The following GNPTAB variants were observed in gnomAD, a reference collection of about 807,000 sequenced individuals.
GNPTAB encodes N-acetylglucosamine-1-phosphotransferase subunits alpha/beta.
GNPTAB carries 92 observed loss-of-function variants against 136.6 expected under a neutral mutation model. The observed-to-expected ratio is 0.67, with a 90% CI of 0.57 to 0.80. The LOEUF is 0.80. Ranked by LOEUF, GNPTAB falls within the 30% of genes least tolerant of loss-of-function variation. The pLI is 0.00. For synonymous variants in GNPTAB, 512 were observed against 535.1 expected (o/e 0.96, Z 0.60); for missense variants, 1,343 against 1,501.8 (o/e 0.89, Z 1.75).
intron 8 of GNPTAB, 45 bp downstream of exon 8, chr12:101,770,951 C>G: frequency 6.4e-7 from 1 of 1,574,094 alleles, no homozygotes; most frequent in African/African-American, 1.3e-5. Flanking sequence ...TTTTTAACAT[C>G]TTAACCTTTG....
chr12:101,818,376 CTTTT>C (rs11347749), intron 1 of GNPTAB, among the ~76,000 whole-genome samples: 6 of 132,656 alleles, frequency 4.5e-5, no homozygotes, highest in Non-Finnish European at 4.8e-5. Flanking sequence ...ATATTTGTGT[CTTTT>C]TTTTTTTTTT....
intron 16 of GNPTAB, among the ~76,000 whole-genome samples, chr12:101,759,419 T>TAA (rs1214680072): frequency 0.016 from 1,964 of 122,104 alleles, 56 homozygotes; most frequent in African/African-American, 0.054. Flanking sequence ...AAATAAAGCT[T>TAA]AAAAAAAAAA....
chr12:101,760,647 A>G (rs1172028829), intron 15 of GNPTAB, among the ~76,000 whole-genome samples: 1 of 152,190 alleles, frequency 6.6e-6, no homozygotes, highest in Non-Finnish European at 1.5e-5. Context: ...CAAACCCCAA[A>G]TTTGGTTATA....
At chr12:101,752,663 C>G (rs1431848739) in intron 19 of GNPTAB, among the ~76,000 whole-genome samples, 2 of 152,204 alleles carry the variant, frequency 1.3e-5, no homozygotes, top group South Asian at 2.1e-4. Context: ...GTTCCCTTCT[C>G]ACCACTTCTG....
chr12:101,772,721 T>C (rs1410812750), intron 7 of GNPTAB, among the ~76,000 whole-genome samples: 2 of 152,216 alleles, frequency 1.3e-5, no homozygotes, highest in Admixed American at 1.3e-4. Flanking sequence ...CTCTGGCCTT[T>C]CCTGTCCCTT....
chr12:101,822,368 C>T (rs536432994), intron 1 of GNPTAB, among the ~76,000 whole-genome samples: 1 of 152,110 alleles, frequency 6.6e-6, no homozygotes, highest in African/African-American at 2.4e-5. Flanking sequence ...GAGCCGAGAT[C>T]GCGCCACTGC....
intron 1 of GNPTAB, among the ~76,000 whole-genome samples, chr12:101,821,279 C>A (rs1305112690): frequency 5.3e-5 from 8 of 152,188 alleles, no homozygotes; most frequent in Non-Finnish European, 8.8e-5. Context: ...CCCCAGGGGC[C>A]TGGTACAGTG....
intron 1 of GNPTAB, among the ~76,000 whole-genome samples, chr12:101,826,441 T>C (rs1487680009): frequency 6.6e-6 from 1 of 152,168 alleles, no homozygotes; most frequent in Admixed American, 6.6e-5. Context: ...CTCTGAATAC[T>C]GGAGGGGCTT....
intron 18 of GNPTAB, among the ~76,000 whole-genome samples, chr12:101,756,775 T>C (rs2137105941): frequency 6.6e-6 from 1 of 152,352 alleles, no homozygotes. Context: ...AAAGGATGGC[T>C]GGAGTATACT....
chr12:101,758,198 C>A (rs1052254178), intron 16 of GNPTAB, among the ~76,000 whole-genome samples: 5 of 152,154 alleles, frequency 3.3e-5, no homozygotes, highest in African/African-American at 9.7e-5. Context: ...GCCACCACAC[C>A]CAACTCATTT....
chr12:101,781,465 A>G (rs569872281), intron 5 of GNPTAB, among the ~76,000 whole-genome samples: 3 of 152,166 alleles, frequency 2.0e-5, no homozygotes, highest in Non-Finnish European at 2.9e-5. Context: ...CAGAAGTTCT[A>G]TATCAGCCTG....
Position 101,830,680 on chromosome 12 carries a change from C to G in GNPTAB, c.-5G>C. ...CTGCAGGAGCTTGAACAGCATCACC[C>G]CTTCACCGCCACGCCACGCCCCGAG... is the stretch of plus-strand genomic sequence containing the variant. On this transcript the variant is annotated 5_prime_UTR_variant, in exon 1 of 21. Transcript: ENST00000299314. The G allele has an allele frequency of 6.5e-7, 1 of 1,531,240 alleles. No homozygotes were observed. Among genetic ancestry groups the G allele is most frequent in the Non-Finnish European group, 9.0e-7 (1 of 1,108,302 alleles). 94.9% of individuals were successfully genotyped at this position (1,531,240 alleles called of 1,614,324 possible). A position where few individuals can be genotyped will look rare whatever the true frequency, so the allele number is the denominator to read the frequency against.
Position 101,768,135 on chromosome 12 carries a change from T to C in GNPTAB, c.1310A>G (p.Asn437Ser). ...QKVYLTWPVP[N>S]CAEGCPGSWI... ...GGAACCTGGGCAGCCCTCGGCACAG[T>C]TTGGCACAGGCCATGTCAAATAAAC... The change falls in exon 11 of 21, where the codon AAC becomes AGC. Residue 437 changes from asparagine to serine, a missense_variant. By Grantham distance (46) the Asn-to-Ser change is conservative. Transcript: ENST00000299314. 3 of 1,614,188 alleles carry C rather than the reference T, an allele frequency of 1.9e-6. No homozygotes were observed. In the South Asian group the frequency reaches 3.3e-5, roughly 18 times the overall value.
Position 101,758,312 on chromosome 12 carries a change from T to C in GNPTAB, c.3250-655A>G, listed in dbSNP as rs185418723. 2.1e-4 allele frequency among the ~76,000 whole-genome samples: 32 copies of C among 152,336 alleles called. No individual in the cohort carries two copies. In the East Asian group the frequency reaches 2.1e-3, roughly 10 times the overall value. ...CCTTGGCCTCCCAAAGTGCTGGGAT[T>C]AAAGGCATGAGCCATCGCACCCGGC... is the stretch of plus-strand genomic sequence containing the variant. On this transcript the variant is annotated intron_variant, in intron 16 of 20. Coordinates refer to ENST00000299314, the MANE Select transcript of GNPTAB (RefSeq NM_024312.5).
chr12:101,753,954 A>T (rs1373787868), intron 18 of GNPTAB, among the ~76,000 whole-genome samples: 2 of 152,074 alleles, frequency 1.3e-5, no homozygotes, highest in Non-Finnish European at 2.9e-5. Flanking sequence ...GTTTGAGACC[A>T]GCTTGACCAA....
intron 1 of GNPTAB, among the ~76,000 whole-genome samples, chr12:101,812,980 G>T (rs535605034): frequency 0.016 from 2,260 of 138,324 alleles, 59 homozygotes; most frequent in African/African-American, 0.061. Context: ...AGTGTTTTTT[G>T]TGTGTGTTTT....
chr12:101,824,623 C>T (rs146343792), intron 1 of GNPTAB, among the ~76,000 whole-genome samples: 7,194 of 150,566 alleles, frequency 0.048, 570 homozygotes, highest in African/African-American at 0.17. Flanking sequence ...TGCACCACCA[C>T]GCCCAGTTAA....
rs1332152174 is a variant in GNPTAB at position 101,830,719 on chromosome 12, C to A, written c.-44G>T. The stretch of plus-strand genomic sequence containing the variant: ...CCACGCCCCGAGGAGCCTGAGCCGC[C>A]GCCGCCGCCGCCGCCGCCTCAGCGA... On this transcript the variant is annotated 5_prime_UTR_variant, in exon 1 of 21. Coordinates refer to ENST00000299314, the MANE Select transcript of GNPTAB (RefSeq NM_024312.5). The A allele has an allele frequency of 1.7e-5, 18 of 1,057,128 alleles. No individual in the cohort carries two copies. The highest frequency in any genetic ancestry group is 1.7e-4 in the Admixed American group (8 of 47,190). 65.5% of individuals were successfully genotyped at this position (1,057,128 alleles called of 1,614,324 possible).
At position 101,765,026 on chromosome 12, in the gene GNPTAB, C is replaced by T. The variant is rs1292363008; in HGVS notation, c.1891G>A (p.Val631Met). The change falls in exon 13 of 21, where the codon GTG (valine) becomes ATG (methionine). Residue 631 changes from valine (V) to methionine (M), a missense_variant. By Grantham distance (21) the Val-to-Met change is conservative (BLOSUM62 1). Transcript: ENST00000299314. ...NDEEFKMQIT[V>M]EVDTREGPKL... ...GGTCCCTCCCTTGTGTCCACCTCCA[C>T]TGTTATCTGCATTTTGAACTCTTCA... 6 of 1,614,216 alleles carry T rather than the reference C, an allele frequency of 3.7e-6. No individual in the cohort carries two copies. The East Asian group carries it at 1.3e-4, about 36-fold the overall frequency.
Sources: allele counts gnomAD v4.1 joint callset (sites outside exome capture counted in the v4.1 genomes callset), GRCh38; gene constraint gnomAD v4.1.1; transcripts MANE v1.5; gene names NCBI Gene and HGNC (gene_info 2026-07-23, HGNC 2026-07-21).